Variants in SP7 observed in about 807,000 individuals in gnomAD.
SP7 encodes Sp7 transcription factor.
SP7 carries 13 observed loss-of-function variants against 27.9 expected under a neutral mutation model. The observed-to-expected ratio is 0.47, with a 90% confidence interval of 0.30 to 0.74. SP7 has a LOEUF of 0.74. Ranked by LOEUF, SP7 falls within the 30% of genes least tolerant of loss-of-function variation. SP7 has a pLI of 0.06. For missense variants in SP7, 525 were observed against 558.0 expected (o/e 0.94, Z 0.60); for synonymous variants, 219 against 226.7 (o/e 0.97, Z 0.31).
Position 53,328,202 on chromosome 12 carries a change from TTGC to T in SP7, c.1237_1239del (p.Ala413del). ...CTGCCTCCAGGGGCTTTCTCTGGGG[TTGC>T]TGGCGAGGCAGAAGGTCGGGGCGTC... On this transcript the variant is annotated inframe_deletion, in exon 3 of 3. Coordinates refer to ENST00000536324, the MANE Select transcript of SP7 (RefSeq NM_001173467.3). The surrounding 1 kb of genome is among the most constrained non-coding windows in gnomAD (Gnocchi z 5.1). 2 of 1,613,162 alleles carry T rather than the reference TTGC, an allele frequency of 1.2e-6. No individual in the cohort carries two copies. The highest frequency in any genetic ancestry group is 1.7e-6 in the Non-Finnish European group (2 of 1,179,648).
intron 1 of SP7, among the ~76,000 whole-genome samples, chr12:53,343,117 G>A (rs1020711113): frequency 2.8e-5 from 4 of 144,830 alleles, no homozygotes; most frequent in South Asian, 2.2e-4. Flanking sequence ...GCAACATGAC[G>A]AAACCCCATC....
rs1944643946 is a variant in SP7, at chr12:53,327,406, T to A, written c.*740A>T. 6.6e-6 allele frequency: 1 copy of A among 152,522 alleles called. No homozygotes were observed. The highest frequency in any genetic ancestry group is 6.5e-5 in the Admixed American group (1 of 15,286). The allele number at this position is 152,522 out of a possible 1,614,324, so 9.4% of individuals were successfully genotyped here. A position where few individuals can be genotyped will look rare whatever the true frequency, so the allele number is the denominator to read the frequency against. ...TATACAGAGATGCATTTGACTAGAA[T>A]TTCCTTAGCAGAAATGGATCCACTT... On this transcript the variant is annotated 3_prime_UTR_variant, in exon 3 of 3. Transcript: ENST00000536324.
upstream of SP7, among the ~76,000 whole-genome samples, chr12:53,337,321 C>G (rs1055620916): frequency 2.0e-5 from 3 of 152,118 alleles, no homozygotes; most frequent in Admixed American, 2.0e-4. Flanking sequence ...AAGGACTTCC[C>G]AACAAAATAG....
chr12:53,339,233 G>A (rs1454277014), upstream of SP7, among the ~76,000 whole-genome samples: 1 of 152,202 alleles, frequency 6.6e-6, no homozygotes, highest in East Asian at 1.9e-4. Context: ...CCAGACGGAA[G>A]GGGTGGGATG....
chr12:53,329,453 G>C (rs772187307), intron 2 of SP7, 33 bp from the exon 3 acceptor site: 12 of 1,591,926 alleles, frequency 7.5e-6, no homozygotes, highest in Admixed American at 3.4e-5. Flanking sequence ...CTTAGGGAGA[G>C]GGGAGGAGAG....
At chr12:53,340,138 C>T (rs551103779), upstream of SP7, among the ~76,000 whole-genome samples, 5 of 152,254 alleles carry the variant, frequency 3.3e-5, no homozygotes, top group African/African-American at 9.6e-5. Flanking sequence ...CCCTAACCCC[C>T]AATCATAAAA....
chr12:53,342,519 G>A (rs1944833321), intron 1 of SP7, among the ~76,000 whole-genome samples: 1 of 152,084 alleles, frequency 6.6e-6, no homozygotes, highest in South Asian at 2.1e-4. Context: ...TATCTCGATA[G>A]AATAAGTACT....
rs1944845085 is a variant in SP7, at chr12:53,344,320, G to C, written c.-34+794C>G. Among the ~76,000 whole-genome samples the C allele has an allele frequency of 6.6e-6, 1 of 152,010 alleles. No homozygotes were observed. The highest frequency in any genetic ancestry group is 2.4e-5 in the African/African-American group (1 of 41,374). On this transcript the variant is annotated intron_variant, in intron 1 of 1. Coordinates refer to the SP7 transcript ENST00000547755. The surrounding 1 kb of genome is among the most constrained non-coding windows in gnomAD (Gnocchi z 4.6). Reference sequence around the variant, plus strand: ...GGACCTGGCCCTCAGTCTCCCAGAAGAACCCCCGCCTCTGCCCTCTGCCCC... The same window carrying C: ...GGACCTGGCCCTCAGTCTCCCAGAACAACCCCCGCCTCTGCCCTCTGCCCC...
chr12:53,329,190 G>A lies in SP7; in HGVS notation c.252C>T (p.Pro84=). 6.2e-7 allele frequency: 1 copy of A among 1,613,822 alleles called. No individual in the cohort carries two copies. The highest frequency in any genetic ancestry group is 8.5e-7 in the Non-Finnish European group (1 of 1,179,876). ...LLSPAGSPPA[P]TSGYANDYPP... is the part of the protein sequence containing the mutation. ...GGTAATCATTAGCATAGCCTGAGGTGGGTGCTGGAGGACTGCCTGCAGGTG... is the reference window on the plus strand; with the variant it reads ...GGTAATCATTAGCATAGCCTGAGGTAGGTGCTGGAGGACTGCCTGCAGGTG... Residue 84 remains proline (P), a synonymous_variant, in exon 3 of 3, where the codon CCC becomes CCT. Coordinates refer to ENST00000536324, the MANE Select transcript of SP7 (RefSeq NM_001173467.3).
At position 53,329,263 on chromosome 12, in the gene SP7, A is replaced by G. The variant is rs1044984913; in HGVS notation, c.179T>C (p.Met60Thr). The change falls in exon 3 of 3, where the codon ATG becomes ACG. Residue 60 changes from methionine to threonine, a missense_variant. Met to Thr is a moderately conservative substitution (Grantham distance 81, BLOSUM62 -1). Coordinates refer to ENST00000536324, the MANE Select transcript of SP7 (RefSeq NM_001173467.3). ...AAAGGGGGCTGGATAAGCATCCCCC[A>G]TGGTTTTGGAGGCTGAAAGGTCACT... ...VGSDLSASKTMGDAYPAPFTS... is the reference protein window; with the variant it reads ...VGSDLSASKTTGDAYPAPFTS... The G allele has an allele frequency of 6.2e-7, 1 of 1,613,854 alleles. No individual in the cohort carries two copies. Among genetic ancestry groups the G allele is most frequent in the Non-Finnish European group, 8.5e-7 (1 of 1,179,878 alleles).
chr12:53,343,420 T>A (rs1055438878), intron 1 of SP7, among the ~76,000 whole-genome samples: 44 of 152,008 alleles, frequency 2.9e-4, no homozygotes, highest in Admixed American at 2.9e-3. Flanking sequence ...GAGAGGAGAA[T>A]GAAATAAGGG....
chr12:53,332,547 C>T (rs974966500), intron 2 of SP7, among the ~76,000 whole-genome samples: 3 of 152,098 alleles, frequency 2.0e-5, no homozygotes, highest in Admixed American at 1.3e-4. Flanking sequence ...CACTGCACTG[C>T]AGCCTGGGCA....
At position 53,328,028 on chromosome 12, in the gene SP7, G is replaced by A; in HGVS notation, c.*118C>T. ...CCAGAATGGCCAGGAGGGAGACAGA[G>A]GGAGAGAGCCCCGAAGGATGGCATG... On this transcript the variant is annotated 3_prime_UTR_variant, in exon 3 of 3. Coordinates refer to ENST00000536324, the MANE Select transcript of SP7 (RefSeq NM_001173467.3). This position sits in a 1 kb window ranked among gnomAD's most constrained non-coding sequence, Gnocchi z 5.1. 9.2e-7 allele frequency: 1 copy of A among 1,084,510 alleles called. No individual in the cohort carries two copies. The allele number at this position is 1,084,510 out of a possible 1,614,324, so 67.2% of individuals were successfully genotyped here.
rs894436304 is a variant in SP7 at position 53,328,641 on chromosome 12, G to GCGCCCTGCCCCA, written c.789_800dup (p.Gly264_Arg267dup). ...GGCAATTAGGGCAGTCGCAGGAGGAGCGCCCTGCCCCACTGCCCCCATATC... is the reference window on the plus strand; with the variant it reads ...GGCAATTAGGGCAGTCGCAGGAGGAGCGCCCTGCCCCACGCCCTGCCCCACTGCCCCCATATC... On this transcript the variant is annotated inframe_insertion, in exon 3 of 3. Transcript: ENST00000536324. This position sits in a 1 kb window ranked among gnomAD's most constrained non-coding sequence, Gnocchi z 5.1. The GCGCCCTGCCCCA allele has an allele frequency of 3.1e-6, 5 of 1,609,968 alleles. No homozygotes were observed. In the African/African-American group the frequency reaches 6.7e-5, roughly 22 times the overall value.
intron 2 of SP7, among the ~76,000 whole-genome samples, chr12:53,333,727 G>GCTTCCCTCTCTGAACCCCATGTT (rs6144721): frequency 2.0e-5 from 3 of 150,986 alleles, no homozygotes; most frequent in African/African-American, 7.3e-5. Flanking sequence ...AGCAGCAGCT[G>GCTTCCCTCTCTGAACCCCATGTT]CTTCCCACTG....
At chr12:53,333,309 G>A (rs916218394) in intron 2 of SP7, among the ~76,000 whole-genome samples, 1 of 152,114 alleles carries the variant, frequency 6.6e-6, no homozygotes, top group African/African-American at 2.4e-5. Flanking sequence ...CCTTCGAGTT[G>A]TTCCCTCCCG....
upstream of SP7, among the ~76,000 whole-genome samples, chr12:53,340,718 G>A (rs1026902405): frequency 6.6e-6 from 1 of 152,166 alleles, no homozygotes; most frequent in Non-Finnish European, 1.5e-5. Flanking sequence ...GTCTCCAGTG[G>A]ATACTCCAGC....
intron 1 of SP7, among the ~76,000 whole-genome samples, chr12:53,343,661 G>C (rs975537616): frequency 6.6e-6 from 1 of 152,154 alleles, no homozygotes; most frequent in Non-Finnish European, 1.5e-5. Context: ...TGTCACAGTT[G>C]GGAGAAGGGC....
intron 2 of SP7, among the ~76,000 whole-genome samples, chr12:53,330,929 G>A (rs1360702809): frequency 1.3e-5 from 2 of 152,216 alleles, no homozygotes; most frequent in African/African-American, 2.4e-5. Flanking sequence ...CCAAACTGTG[G>A]CTGAGACAAG....
Sources: gnomAD v4.1 joint callset for allele counts (sites outside exome capture counted in the v4.1 genomes callset) on GRCh38, gnomAD v4.1.1 for gene constraint, Gnocchi (gnomAD v3.1) non-coding constraint, MANE v1.5 for transcripts, NCBI Gene and HGNC (gene_info 2026-07-23, HGNC 2026-07-21) for gene names.